The following MRTFB variants were observed in gnomAD, a reference collection of about 807,000 sequenced individuals.
The protein encoded by MRTFB is myocardin related transcription factor B.
Under a neutral mutation model 104.2 loss-of-function variants are expected in MRTFB, and 29 were observed. The observed-to-expected ratio is 0.28, with a 90% CI of 0.21 to 0.38. The LOEUF (loss-of-function observed/expected upper bound fraction) is 0.38, where lower values mean the gene tolerates loss of function less well. Ranked by LOEUF, MRTFB falls within the 10% of genes least tolerant of loss-of-function variation. The pLI is 1.00. For synonymous variants in MRTFB, 535 were observed against 519.5 expected (o/e 1.03, Z -0.41); for missense variants, 1,270 against 1,341.6 (o/e 0.95, Z 0.83).
At chr16:13,995,023 C>T in the MRTFB span, among the ~76,000 whole-genome samples, 1 of 149,046 alleles carries the variant, frequency 6.7e-6, no homozygotes, top group Admixed American at 6.7e-5. Flanking sequence ...TATTTATTTA[C>T]TTTTTTTTTT....
chr16:14,124,674 C>T (rs571915245), intron 2 of MRTFB, among the ~76,000 whole-genome samples: 1 of 152,198 alleles, frequency 6.6e-6, no homozygotes, highest in African/African-American at 2.4e-5. Flanking sequence ...AGTATTTTAT[C>T]GAGGACTTTT....
Position 14,240,292 on chromosome 16 carries a change from C to A in MRTFB, c.887C>A (p.Pro296His), listed in dbSNP as rs764690291. 6.2e-7 allele frequency: 1 copy of A among 1,613,604 alleles called. No individual in the cohort carries two copies. The highest frequency in any genetic ancestry group is 2.2e-5 in the East Asian group (1 of 44,872). ...CACCGTAGCAAAAAGTGCAAAGATC[C>A]CAAACCACGGGTAAAGAAGTTAAAG... is the stretch of plus-strand genomic sequence containing the variant. ...DKHRSKKCKD[P>H]KPRVKKLKYH... Residue 296 changes from proline to histidine, a missense_variant, in exon 10 of 17, where the codon CCC becomes CAC. This residue lies in a region of MRTFB where 1,144 missense variants were observed against 1,131.5 expected (regional missense o/e 1.01). Coordinates refer to ENST00000571589, the MANE Select transcript of MRTFB (RefSeq NM_001308142.2).
At chr16:14,190,821 T>C (rs1442350977) in intron 3 of MRTFB, among the ~76,000 whole-genome samples, 6 of 152,194 alleles carry the variant, frequency 3.9e-5, no homozygotes, top group African/African-American at 1.4e-4. Context: ...TGTCATTGTG[T>C]GGCTCAACCA....
intron 3 of MRTFB, among the ~76,000 whole-genome samples, chr16:14,191,081 C>T (rs1271264329): frequency 2.6e-5 from 4 of 152,124 alleles, no homozygotes; most frequent in South Asian, 4.2e-4. Flanking sequence ...ATCACTTTAC[C>T]AAAGCACCAG....
chr16:14,260,878 A>G, intron 16 of MRTFB, 31 bp from the exon 17 acceptor site: 1 of 1,544,264 alleles, frequency 6.5e-7, no homozygotes, highest in Non-Finnish European at 8.7e-7. Context: ...GTAAATCTTC[A>G]GTTACTAATT....
intron 3 of MRTFB, among the ~76,000 whole-genome samples, chr16:14,199,105 A>G (rs965504525): frequency 3.3e-5 from 5 of 152,172 alleles, no homozygotes; most frequent in African/African-American, 1.2e-4. Context: ...ACCTCCTCCA[A>G]CCTGACTTAC....
chr16:14,013,835 A>C, the MRTFB span, among the ~76,000 whole-genome samples: 1 of 152,262 alleles, frequency 6.6e-6, no homozygotes, highest in Non-Finnish European at 1.5e-5. Flanking sequence ...TCCAACCCTG[A>C]ACGTGACTTT....
chr16:14,162,067 G>C (rs1343899387), intron 3 of MRTFB, among the ~76,000 whole-genome samples: 1 of 143,744 alleles, frequency 7.0e-6, no homozygotes, highest in Non-Finnish European at 1.5e-5. Flanking sequence ...TCTAATCCCA[G>C]TACTTTGAGA....
intron 2 of MRTFB, among the ~76,000 whole-genome samples, chr16:14,107,184 C>T (rs938162480): frequency 6.6e-5 from 10 of 152,146 alleles, no homozygotes; most frequent in African/African-American, 7.2e-5. Flanking sequence ...TACAGTGAGC[C>T]GAGACCGTGC....
At chr16:14,221,827 G>C (rs2041732042) in intron 8 of MRTFB, among the ~76,000 whole-genome samples, 2 of 138,690 alleles carry the variant, frequency 1.4e-5, no homozygotes, top group Admixed American at 1.6e-4. Context: ...TGTCACCCAG[G>C]CTGGAGTGCA....
At chr16:14,059,374 C>G in the MRTFB span, among the ~76,000 whole-genome samples, 1 of 152,080 alleles carries the variant, frequency 6.6e-6, no homozygotes, top group Non-Finnish European at 1.5e-5. Context: ...TCTCCCTGCC[C>G]CCTCTCCCCG....
intron 3 of MRTFB, among the ~76,000 whole-genome samples, chr16:14,203,804 GAAAAAAAAAAAAAA>G (rs908323645): frequency 2.1e-5 from 1 of 46,574 alleles, no homozygotes; most frequent in Non-Finnish European, 4.7e-5. Flanking sequence ...ACTCTGTCTC[GAAAAAAAAAAAAAA>G]AAAAAAAAAA....
At chr16:14,182,032 A>G (rs575592014) in intron 3 of MRTFB, among the ~76,000 whole-genome samples, 1 of 151,998 alleles carries the variant, frequency 6.6e-6, no homozygotes, top group South Asian at 2.1e-4. Flanking sequence ...TATTATTTGA[A>G]GTTAAATGTT....
At chr16:14,210,812 TAC>T (rs2151168969) in intron 4 of MRTFB, among the ~76,000 whole-genome samples, 1 of 152,358 alleles carries the variant, frequency 6.6e-6, no homozygotes, top group African/African-American at 2.4e-5. Context: ...TTGTCTCAAG[TAC>T]AGTTATTTCC....
intron 3 of MRTFB, among the ~76,000 whole-genome samples, chr16:14,163,999 T>C (rs2039139112): frequency 1.3e-5 from 2 of 152,222 alleles, no homozygotes. Flanking sequence ...AGTTACCAAG[T>C]CTGGGTATTT....
At position 14,079,372 on chromosome 16, in the gene MRTFB, T is replaced by A. The variant is rs1388516713; in HGVS notation, c.-64+18T>A. On this transcript the variant is annotated intron_variant, in intron 2 of 16. Transcript: ENST00000571589. ...TTACCGAGGTAAGTTTTTTTATAAT[T>A]TTTTTTTAACAAAGAAACTGTAATT... 2 of 348,724 alleles carry A rather than the reference T, an allele frequency of 5.7e-6. No individual in the cohort carries two copies. The highest frequency in any genetic ancestry group is 4.2e-5 in the African/African-American group (2 of 47,674). The allele number at this position is 348,724 out of a possible 1,614,324, so 21.6% of individuals were successfully genotyped here. A position where few individuals can be genotyped will look rare whatever the true frequency, so the allele number is the denominator to read the frequency against.
At chr16:14,052,424 A>G in the MRTFB span, among the ~76,000 whole-genome samples, 1 of 152,120 alleles carries the variant, frequency 6.6e-6, no homozygotes, top group East Asian at 1.9e-4. Context: ...GAACATTTCA[A>G]ATCTTCTCTT....
At chr16:14,152,306 A>G (rs961090719) in intron 3 of MRTFB, 2 of 151,944 alleles carry the variant, frequency 1.3e-5, no homozygotes, top group Non-Finnish European at 2.9e-5. Flanking sequence ...TATGTTAAAA[A>G]CATGTTTATG....
chr16:14,165,336 G>C (rs1295392059), intron 3 of MRTFB, among the ~76,000 whole-genome samples: 1 of 152,124 alleles, frequency 6.6e-6, no homozygotes. Flanking sequence ...TTCCTTTCTA[G>C]TCTGATGCTC....
Sources: allele counts gnomAD v4.1 joint callset (sites outside exome capture counted in the v4.1 genomes callset), GRCh38; gene constraint gnomAD v4.1.1; regional missense constraint gnomAD v4.1.1; transcripts MANE v1.5; gene names NCBI Gene and HGNC (gene_info 2026-07-23, HGNC 2026-07-21).